The following CD163L1 variants were observed in gnomAD, a reference collection of about 807,000 sequenced individuals.
CD163L1 encodes the protein scavenger receptor cysteine-rich type 1 protein M160.
Under a neutral mutation model 165.4 loss-of-function variants are expected in CD163L1, and 124 were observed. The ratio of observed to expected loss-of-function variants is 0.75; its 90% CI spans 0.65 to 0.87. CD163L1 has a LOEUF of 0.87. Ranked by LOEUF, CD163L1 falls within the 40% of genes least tolerant of loss-of-function variation. The probability of loss-of-function intolerance (pLI) is 0.00; values close to 1 mark genes in which losing one functional copy is unlikely to be tolerated. For missense variants in CD163L1, 1,525 were observed against 1,799.9 expected (o/e 0.85, Z 2.76); for synonymous variants, 585 against 662.2 (o/e 0.88, Z 1.79).
chr12:7,396,742 C>G lies in CD163L1; in HGVS notation c.1730-327G>C, dbSNP rs1011376406. Among the ~76,000 whole-genome samples the G allele has an allele frequency of 2.6e-5, 4 of 152,142 alleles. No individual in the cohort carries two copies. In the East Asian group the frequency reaches 7.7e-4, roughly 29 times the overall value. On this transcript the variant is annotated intron_variant, in intron 7 of 19. Coordinates refer to ENST00000313599, the MANE Select transcript of CD163L1 (RefSeq NM_174941.6). ...GCTCTTCTCTGCAGTCTGCTGGCCT[C>G]CTCTTCAGATTTTGGACTTGCAAGC...
At position 7,374,838 on chromosome 12, in the gene CD163L1, G is replaced by C. The variant is rs1307630843; in HGVS notation, c.3087C>G (p.Ile1029Met). 1 of 1,614,092 alleles carries C rather than the reference G, an allele frequency of 6.2e-7. No homozygotes were observed. Among genetic ancestry groups the C allele is most frequent in the Non-Finnish European group, 8.5e-7 (1 of 1,180,032 alleles). ...AAAACTGATTCTGCTTACCTAAGCAGATCAAAGCACTGCCCTCTGGAACTG... is the reference window on the plus strand; with the variant it reads ...AAAACTGATTCTGCTTACCTAAGCACATCAAAGCACTGCCCTCTGGAACTG... ...LSAVPEGSAL[I>M]CLEDKRLRLV... The change falls in exon 12 of 20, where the codon ATC becomes ATG. Residue 1029 changes from isoleucine (I) to methionine (M), a missense_variant. By Grantham distance (10) the Ile-to-Met change is conservative. Coordinates refer to ENST00000313599, the MANE Select transcript of CD163L1 (RefSeq NM_174941.6). The surrounding 1 kb of genome is among the most constrained non-coding windows in gnomAD (Gnocchi z 5.4).
intron 18 of CD163L1, among the ~76,000 whole-genome samples, chr12:7,362,208 A>G (rs1376376384): frequency 7.4e-6 from 1 of 134,462 alleles, no homozygotes; most frequent in Non-Finnish European, 1.6e-5. Flanking sequence ...TATATAATAT[A>G]TCATATGTAT....
chr12:7,433,793 T>C, intron 2 of CD163L1, 99 bp from the exon 3 acceptor site: 1 of 905,510 alleles, frequency 1.1e-6, no homozygotes, highest in Non-Finnish European at 1.7e-6. Flanking sequence ...AGTTTAAATG[T>C]TGTTATTAGA....
chr12:7,394,099 A>C (rs1258176413), intron 8 of CD163L1, among the ~76,000 whole-genome samples: 3 of 146,658 alleles, frequency 2.0e-5, no homozygotes, highest in African/African-American at 7.9e-5. Flanking sequence ...CCAAAAAAAA[A>C]CAAAAACAAA....
Position 7,357,378 on chromosome 12 carries a change from ACCTGGTGAGC to A in CD163L1, c.*16_*24+1del. 1 of 1,597,090 alleles carries A rather than the reference ACCTGGTGAGC, an allele frequency of 6.3e-7. No individual in the cohort carries two copies. The highest frequency in any genetic ancestry group is 8.6e-7 in the Non-Finnish European group (1 of 1,165,088). ...TAGTAGGAACAATACTTCTCAACTT[ACCTGGTGAGC>A]CCTGGAAGTCTAAAGTCATTTTGTG... On this transcript the variant is annotated splice_donor_variant and 3_prime_UTR_variant, in exon 19 of 20. Transcript: ENST00000313599. LOFTEE classifies it low-confidence loss of function (3UTR_SPLICE).
the CD163L1 span, chr12:7,322,291 G>C: frequency 7.6e-7 from 1 of 1,319,584 alleles, no homozygotes; most frequent in Non-Finnish European, 1.1e-6. Flanking sequence ...ACAAGTATTT[G>C]TTGAATGAAC....
chr12:7,363,892 C>G (rs1320879081), intron 18 of CD163L1, among the ~76,000 whole-genome samples: 1 of 151,812 alleles, frequency 6.6e-6, no homozygotes, highest in Non-Finnish European at 1.5e-5. Flanking sequence ...TTTATTCAAA[C>G]TCTTAATGAA....
intron 4 of CD163L1, among the ~76,000 whole-genome samples, chr12:7,421,476 T>TATATACATATATAC: frequency 1.0e-5 from 1 of 97,510 alleles, no homozygotes; most frequent in East Asian, 3.2e-4. Flanking sequence ...TATATATACA[T>TATATACATATATAC]ATATGTACAT....
rs1947225042 is a variant in CD163L1 at position 7,374,725 on chromosome 12, G to T, written c.3126C>A (p.Asp1042Glu). The change falls in exon 13 of 20, where the codon GAC (aspartate) becomes GAA (glutamate). Residue 1042 changes from aspartate to glutamate, a missense_variant. Physicochemically the swap from Asp to Glu is conservative, Grantham distance 45. Transcript: ENST00000313599. The surrounding 1 kb of genome is among the most constrained non-coding windows in gnomAD (Gnocchi z 5.4). ...EDKRLRLVDGDSRCAGRVEIY... is the reference protein window; with the variant it reads ...EDKRLRLVDGESRCAGRVEIY... ...TCTCTACTCTCCCGGCACAGCGGCT[G>T]TCCCCATCCACTAGGCGGAGCCGTT... The T allele has an allele frequency of 6.2e-7, 1 of 1,613,854 alleles. No individual in the cohort carries two copies. The highest frequency in any genetic ancestry group is 1.1e-5 in the South Asian group (1 of 91,060).
rs2136650347 is a variant in CD163L1, at chr12:7,438,915, T to A, written c.124+2239A>T. 5 of 1,602,746 alleles carry A rather than the reference T, an allele frequency of 3.1e-6. No homozygotes were observed. The South Asian group carries it at 5.5e-5, about 18-fold the overall frequency. On this transcript the variant is annotated intron_variant, in intron 2 of 19. Transcript: ENST00000313599. ...CCTCTGTCTTGATTCCTCTGCTTTT[T>A]AGGCACAGTTTTCTTCTCTAAGAAT...
At chr12:7,407,538 TCACTTAG>T (rs1406643015) in intron 4 of CD163L1, among the ~76,000 whole-genome samples, 1 of 151,560 alleles carries the variant, frequency 6.6e-6, no homozygotes, top group African/African-American at 2.4e-5. Context: ...CTTCTTTACA[TCACTTAG>T]CAAAATTGAC....
chr12:7,413,654 C>T (rs1263735432), intron 4 of CD163L1, among the ~76,000 whole-genome samples: 1 of 152,226 alleles, frequency 6.6e-6, no homozygotes, highest in African/African-American at 2.4e-5. Context: ...CCAGATGGTG[C>T]ATGTGAGCCT....
chr12:7,388,413 A>G (rs951399828), intron 8 of CD163L1, among the ~76,000 whole-genome samples: 2 of 152,178 alleles, frequency 1.3e-5, no homozygotes, highest in African/African-American at 4.8e-5. Flanking sequence ...TAAAACTTGA[A>G]TAACTCGACA....
the CD163L1 span, chr12:7,322,505 G>T: frequency 2.5e-6 from 4 of 1,613,756 alleles, no homozygotes; most frequent in Non-Finnish European, 3.4e-6. Flanking sequence ...TGCAAACTGG[G>T]CTGGAGCTAT....
intron 8 of CD163L1, among the ~76,000 whole-genome samples, chr12:7,394,406 C>G (rs921749716): frequency 3.3e-5 from 5 of 152,148 alleles, no homozygotes; most frequent in Non-Finnish European, 7.4e-5. Flanking sequence ...AAAGCTGAAA[C>G]TGGATCCCTT....
In CD163L1 at chr12:7,374,969, A is replaced by C. The variant is rs751411477; in HGVS notation, c.3002-46T>G. 2 of 1,538,312 alleles carry C rather than the reference A, an allele frequency of 1.3e-6. No individual in the cohort carries two copies. Among genetic ancestry groups the C allele is most frequent in the South Asian group, 1.1e-5 (1 of 89,376 alleles). ...TGGGGCAAAAGTAAGACCAAAATAC[A>C]TGGAAAAGGTTGAAGAGTTCTGTAA... On this transcript the variant is annotated intron_variant, in intron 11 of 19. Coordinates refer to ENST00000313599, the MANE Select transcript of CD163L1 (RefSeq NM_174941.6). The surrounding 1 kb of genome is among the most constrained non-coding windows in gnomAD (Gnocchi z 5.4).
At chr12:7,360,211 C>T (rs981428316) in intron 18 of CD163L1, among the ~76,000 whole-genome samples, 8 of 151,838 alleles carry the variant, frequency 5.3e-5, no homozygotes, top group Admixed American at 2.0e-4. Flanking sequence ...GGTGCGATTT[C>T]GGCTCACTGC....
At chr12:7,424,814 T>C (rs1030084653) in intron 4 of CD163L1, among the ~76,000 whole-genome samples, 3 of 151,964 alleles carry the variant, frequency 2.0e-5, no homozygotes, top group Non-Finnish European at 4.4e-5. Context: ...AACTACAAAC[T>C]GCTGCTCAAA....
At position 7,398,679 on chromosome 12, in the gene CD163L1, G is replaced by C; in HGVS notation, c.1409-95C>G. ...TCTAAATTCACGACTATAAGGCTTT[G>C]CCTAACAGGTGATATATTAGGCACA... On this transcript the variant is annotated intron_variant, in intron 6 of 19. Transcript: ENST00000313599. The surrounding 1 kb of genome is among the most constrained non-coding windows in gnomAD (Gnocchi z 4.5). The C allele has an allele frequency of 9.5e-7, 1 of 1,052,748 alleles. No homozygotes were observed. The highest frequency in any genetic ancestry group is 1.3e-6 in the Non-Finnish European group (1 of 758,110). The allele number at this position is 1,052,748 out of a possible 1,614,324, so 65.2% of individuals were successfully genotyped here. A position where few individuals can be genotyped will look rare whatever the true frequency, so the allele number is the denominator to read the frequency against.
Sources: allele counts gnomAD v4.1 joint callset (sites outside exome capture counted in the v4.1 genomes callset), GRCh38; gene constraint gnomAD v4.1.1; non-coding constraint Gnocchi (gnomAD v3.1); transcripts MANE v1.5; gene names NCBI Gene and HGNC (gene_info 2026-07-23, HGNC 2026-07-21).